ATAD2B: variants seen among roughly 807,000 people sequenced by gnomAD.
ATAD2B encodes the protein ATPase family AAA domain containing 2B, also known as ATPase family AAA domain-containing protein 2B.
ATAD2B carries 40 observed loss-of-function variants against 167.6 expected under a neutral mutation model. The ratio of observed to expected loss-of-function variants is 0.24; its 90% CI spans 0.19 to 0.31. The LOEUF (loss-of-function observed/expected upper bound fraction) is 0.31. Ranked by LOEUF, ATAD2B falls within the 10% of genes least tolerant of loss-of-function variation. The pLI is 1.00. For missense variants in ATAD2B, 1,242 were observed against 1,757.2 expected (o/e 0.71, Z 5.24); for synonymous variants, 579 against 596.5 (o/e 0.97, Z 0.43).
At chr2:23,743,141 C>CA in the ATAD2B span, among the ~76,000 whole-genome samples, 7,457 of 127,160 alleles carry the variant, frequency 0.059, 196 homozygotes, top group Non-Finnish European at 0.068. Flanking sequence ...GATGTTCGCC[C>CA]AAAAAAAAAA....
intron 2 of ATAD2B, among the ~76,000 whole-genome samples, chr2:23,891,347 T>C (rs966743744): frequency 3.3e-5 from 5 of 152,134 alleles, no homozygotes; most frequent in African/African-American, 1.2e-4. Context: ...AGGGTTAGCC[T>C]GCTTAAACGT....
chr2:23,769,602 C>T (rs1677987423), intron 22 of ATAD2B, among the ~76,000 whole-genome samples: 2 of 151,990 alleles, frequency 1.3e-5, no homozygotes, highest in Admixed American at 6.6e-5. Flanking sequence ...ATTTTACATT[C>T]CTACCACAGT....
At chr2:23,829,545 G>A (rs112738689) in intron 14 of ATAD2B, among the ~76,000 whole-genome samples, 3 of 152,164 alleles carry the variant, frequency 2.0e-5, no homozygotes, top group African/African-American at 7.2e-5. Flanking sequence ...ATGTCCAGGA[G>A]TTCAAGACTA....
intron 27 of ATAD2B, among the ~76,000 whole-genome samples, chr2:23,753,591 G>A (rs1025670267): frequency 1.3e-5 from 2 of 152,124 alleles, no homozygotes; most frequent in African/African-American, 4.8e-5. Context: ...TATACAGGAA[G>A]AATTTCCCTT....
At chr2:23,679,898 A>C in the ATAD2B span, among the ~76,000 whole-genome samples, 1 of 152,056 alleles carries the variant, frequency 6.6e-6, no homozygotes, top group Non-Finnish European at 1.5e-5. Context: ...GGGAAGATCC[A>C]GGCGGAGGGG....
At chr2:23,899,659 C>A (rs1262034047) in intron 1 of ATAD2B, among the ~76,000 whole-genome samples, 1 of 152,066 alleles carries the variant, frequency 6.6e-6, no homozygotes. Context: ...GGCATGATCT[C>A]AGCTCACTGC....
In ATAD2B at chr2:23,855,235, C is replaced by T. The variant is rs866074295; in HGVS notation, c.1568+2180G>A. ...ACAAGGACTACAACACAACAAGACA[C>T]ACAATCTAATTTCTAGTTTTAAAAA... On this transcript the variant is annotated intron_variant, in intron 13 of 27. Transcript: ENST00000238789. Among the ~76,000 whole-genome samples the T allele has an allele frequency of 2.7e-5, 4 of 150,458 alleles. No homozygotes were observed. The Middle Eastern group carries it at 0.01, about 395-fold the overall frequency.
At chr2:23,855,587 T>A (rs1693261623) in intron 13 of ATAD2B, among the ~76,000 whole-genome samples, 1 of 152,162 alleles carries the variant, frequency 6.6e-6, no homozygotes, top group Admixed American at 6.6e-5. Context: ...AATTCCTCTC[T>A]CAGGGATTTA....
At chr2:23,868,066 T>C (rs1558691007) in intron 9 of ATAD2B, 120 bp from the exon 10 acceptor site, 1 of 681,136 alleles carries the variant, frequency 1.5e-6, no homozygotes, top group Non-Finnish European at 2.5e-6. Flanking sequence ...ACCCAGAAAA[T>C]AATATCAAAG....
chr2:23,719,779 A>C, the ATAD2B span, among the ~76,000 whole-genome samples: 1 of 152,244 alleles, frequency 6.6e-6, no homozygotes, highest in East Asian at 1.9e-4. Flanking sequence ...CACAGAAAGC[A>C]TCACAAGTAC....
chr2:23,772,732 T>G (rs1678526242), intron 22 of ATAD2B, among the ~76,000 whole-genome samples: 2 of 149,756 alleles, frequency 1.3e-5, no homozygotes, highest in African/African-American at 4.9e-5. Flanking sequence ...ACTGCTTTTT[T>G]GGGGGGATGG....
intron 18 of ATAD2B, among the ~76,000 whole-genome samples, chr2:23,804,057 T>C (rs533407172): frequency 3.9e-5 from 6 of 152,292 alleles, no homozygotes; most frequent in African/African-American, 7.2e-5. Context: ...AAAAGGAATA[T>C]AGAACAGAAG....
intron 17 of ATAD2B, among the ~76,000 whole-genome samples, chr2:23,815,067 A>AG (rs943494543): frequency 1.8e-4 from 27 of 152,146 alleles, no homozygotes; most frequent in African/African-American, 5.8e-4. Context: ...AAAAAAAAAA[A>AG]AAAAAAGTTT....
the ATAD2B span, chr2:23,706,803 T>C: frequency 1.7e-6 from 1 of 597,342 alleles, no homozygotes. Context: ...TGTTGAATAT[T>C]CTCTACATTG....
rs1683164548 is a variant in ATAD2B at position 23,799,591 on chromosome 2, A to AAG, written c.2455-1269_2455-1268insCT. ...ATCTCAAAAAAAAAAAAAAAAAAAG[A>AAG]AAAGAAAAATTTAATATTTAAAATG... is the stretch of plus-strand genomic sequence containing the variant. On this transcript the variant is annotated intron_variant, in intron 18 of 27. Transcript: ENST00000238789. Among the ~76,000 whole-genome samples the AAG allele has an allele frequency of 4.9e-5, 7 of 142,604 alleles. No homozygotes were observed. The South Asian group carries it at 1.1e-3, about 22-fold the overall frequency. The allele number at this position is 142,604 out of a possible 152,430, so 93.6% of individuals were successfully genotyped here.
chr2:23,726,716 CCTAAGGACA>C, the ATAD2B span, among the ~76,000 whole-genome samples: 27 of 152,034 alleles, frequency 1.8e-4, no homozygotes, highest in Non-Finnish European at 3.1e-4. Flanking sequence ...ATAGATGAAA[CCTAAGGACA>C]CTATGGTAAA....
the ATAD2B span, among the ~76,000 whole-genome samples, chr2:23,684,916 C>T: frequency 6.6e-6 from 1 of 152,208 alleles, no homozygotes; most frequent in East Asian, 1.9e-4. The surrounding 1 kb of genome is among the most constrained non-coding windows in gnomAD (Gnocchi z 4.4). Context: ...CTGCCCCCAC[C>T]GGGCCAGAGC....
At position 23,786,708 on chromosome 2, in the gene ATAD2B, A is replaced by T. The variant is rs564195687; in HGVS notation, c.2777-485T>A. On this transcript the variant is annotated intron_variant, in intron 20 of 27. Transcript: ENST00000238789. ...GCAAGTAAAAATTTGCACAGAAACAAAAAGGGAATAGCTTCACTTTATAAA... is the reference window on the plus strand; with the variant it reads ...GCAAGTAAAAATTTGCACAGAAACATAAAGGGAATAGCTTCACTTTATAAA... Among the ~76,000 whole-genome samples the T allele has an allele frequency of 5.8e-4, 88 of 152,266 alleles. 2 individuals carry two copies. In the South Asian group the frequency reaches 6.2e-3, roughly 11 times the overall value.
intron 22 of ATAD2B, among the ~76,000 whole-genome samples, chr2:23,772,404 T>C (rs1190789657): frequency 6.6e-6 from 1 of 152,192 alleles, no homozygotes; most frequent in Non-Finnish European, 1.5e-5. Flanking sequence ...TAGCTATACT[T>C]TCAAGTTGAC....
Sources: gnomAD v4.1 joint callset for allele counts (sites outside exome capture counted in the v4.1 genomes callset) on GRCh38, gnomAD v4.1.1 for gene constraint, Gnocchi (gnomAD v3.1) non-coding constraint, MANE v1.5 for transcripts, NCBI Gene and HGNC (gene_info 2026-07-23, HGNC 2026-07-21) for gene names.